GDPD4: variants seen among roughly 807,000 people sequenced by gnomAD.
GDPD4 encodes the protein glycerophosphodiester phosphodiesterase domain containing 4.
Under a neutral mutation model 67.8 loss-of-function variants are expected in GDPD4, and 60 were observed. That is an observed-to-expected ratio of 0.88 (90% CI 0.72 to 1.10). GDPD4 has a LOEUF of 1.10. Among genes scored for constraint, GDPD4 ranks in the 50% least tolerant of loss-of-function variants. The probability of loss-of-function intolerance (pLI) is 0.00; values close to 1 mark genes in which losing one functional copy is unlikely to be tolerated. For synonymous variants in GDPD4, 212 were observed against 210.9 expected, an observed-to-expected ratio of 1.00 and a Z score of -0.04; for missense variants, 623 against 613.9, an observed-to-expected ratio of 1.01 and a Z score of -0.16.
chr11:77,270,084 G>A (rs1185088396), intron 7 of GDPD4, 124 bp from the exon 8 acceptor site: 2 of 560,184 alleles, frequency 3.6e-6, no homozygotes, highest in Non-Finnish European at 6.3e-6. Context: ...CACAATGGCA[G>A]CACTATCTAT....
intron 1 of GDPD4, among the ~76,000 whole-genome samples, chr11:77,293,525 T>G (rs1244817617): frequency 6.6e-6 from 1 of 150,426 alleles, no homozygotes; most frequent in African/African-American, 2.5e-5. Flanking sequence ...AGCCTGGAGA[T>G]GGAGGTTACA....
chr11:77,277,417 T>C (rs1342746633), intron 4 of GDPD4, among the ~76,000 whole-genome samples: 1 of 139,278 alleles, frequency 7.2e-6, no homozygotes, highest in African/African-American at 2.7e-5. Flanking sequence ...TTTTTTTTTT[T>C]TGAGACAGAG....
chr11:77,296,325 ATT>A (rs150817128), intron 1 of GDPD4, among the ~76,000 whole-genome samples: 30 of 141,550 alleles, frequency 2.1e-4, no homozygotes, highest in South Asian at 6.7e-4. Context: ...TTTTTAATTA[ATT>A]TTTTTTTTTT....
In GDPD4 at chr11:77,245,302, G is replaced by T. The variant is rs753961791; in HGVS notation, c.1065C>A (p.Ala355=). The part of the protein sequence containing the change: ...FVRQVVSVIL[A]SKIEQHLIFW... ...TTACCAGATGTTGCTCGATTTTAGAGGCAAGGATCACGCTTACTACTTGGC... is the reference window on the plus strand; with the variant it reads ...TTACCAGATGTTGCTCGATTTTAGATGCAAGGATCACGCTTACTACTTGGC... Residue 355 remains alanine, a synonymous_variant, in exon 12 of 17, where the codon GCC becomes GCA. Coordinates refer to ENST00000315938, the MANE Select transcript of GDPD4 (RefSeq NM_182833.3). The T allele has an allele frequency of 6.2e-7, 1 of 1,614,056 alleles. No individual in the cohort carries two copies. Among genetic ancestry groups the T allele is most frequent in the South Asian group, 1.1e-5 (1 of 91,078 alleles).
chr11:77,245,663 T>C (rs1371039894), intron 11 of GDPD4, among the ~76,000 whole-genome samples, 161 bp from the exon 12 acceptor site: 1 of 152,206 alleles, frequency 6.6e-6, no homozygotes, highest in African/African-American at 2.4e-5. Context: ...AGAAATAAAA[T>C]GTAATCATCA....
chr11:77,292,263 G>C (rs1937804579), intron 1 of GDPD4, among the ~76,000 whole-genome samples: 1 of 151,746 alleles, frequency 6.6e-6, no homozygotes, highest in African/African-American at 2.4e-5. Context: ...AAAAACACTA[G>C]AATTGGAAAA....
At position 77,268,605 on chromosome 11, in the gene GDPD4, TAGGGGTAGAGCCC is replaced by T. The variant is rs549654142; in HGVS notation, c.625-79_625-67del. 506 of 1,268,994 alleles carry T rather than the reference TAGGGGTAGAGCCC, an allele frequency of 4.0e-4. 6 individuals carry two copies. In the South Asian group the frequency reaches 5.8e-3, roughly 15 times the overall value. The allele number at this position is 1,268,994 out of a possible 1,614,324, so 78.6% of individuals were successfully genotyped here. ...TCTCCTCCCAGCATTCCTTTTGTGGTAGGGGTAGAGCCCAGTAGGATTTTGGGGAGCAGAGCTT... is the reference window on the plus strand; with the variant it reads ...TCTCCTCCCAGCATTCCTTTTGTGGTAGTAGGATTTTGGGGAGCAGAGCTT... On this transcript the variant is annotated intron_variant, in intron 9 of 16. Transcript: ENST00000315938.
In GDPD4 at chr11:77,240,663, C is replaced by T; in HGVS notation, c.1241+3031G>A. Among the ~76,000 whole-genome samples, 2 of 151,944 alleles carry T rather than the reference C, an allele frequency of 1.3e-5. 1 individual carries two copies. Among genetic ancestry groups the T allele is most frequent in the East Asian group, 3.8e-4 (2 of 5,196 alleles). On this transcript the variant is annotated intron_variant, in intron 13 of 16. Coordinates refer to ENST00000315938, the MANE Select transcript of GDPD4 (RefSeq NM_182833.3). Reference sequence around the variant, plus strand: ...TACATCAAACCAAAAAGTGTCTGCACAGCAAAGGAAACAATCAACAGAGTG... The same window carrying T: ...TACATCAAACCAAAAAGTGTCTGCATAGCAAAGGAAACAATCAACAGAGTG...
chr11:77,218,042 T>C (rs1319038178), intron 16 of GDPD4, among the ~76,000 whole-genome samples: 1 of 151,982 alleles, frequency 6.6e-6, no homozygotes, highest in Non-Finnish European at 1.5e-5. Flanking sequence ...AAAGCTTTTT[T>C]TTTAACCTGA....
In GDPD4 at chr11:77,268,463, T is replaced by G. The variant is rs564499929; in HGVS notation, c.701A>C (p.His234Pro). The G allele has an allele frequency of 6.2e-7, 1 of 1,607,782 alleles. No individual in the cohort carries two copies. The highest frequency in any genetic ancestry group is 8.5e-7 in the Non-Finnish European group (1 of 1,174,538). The change falls in exon 10 of 17, where the codon CAC (histidine) becomes CCC (proline). Residue 234 changes from histidine (H) to proline (P), a missense_variant. His to Pro is a moderately conservative substitution (Grantham distance 77). Coordinates refer to ENST00000315938, the MANE Select transcript of GDPD4 (RefSeq NM_182833.3). ...HGAHGLETDI[H>P]LSYDHVPFLM... ...CAGTTCCCTGCTTTCTTACCTTAAG[T>G]GTATATCAGTCTCCAATCCATGGGC...
intron 1 of GDPD4, among the ~76,000 whole-genome samples, chr11:77,290,298 C>G (rs1275478711): frequency 6.6e-6 from 1 of 152,192 alleles, no homozygotes; most frequent in East Asian, 1.9e-4. Flanking sequence ...TTTTATCCAA[C>G]AATTACAGAA....
At chr11:77,296,953 C>T (rs1937989144) in intron 1 of GDPD4, among the ~76,000 whole-genome samples, 1 of 150,630 alleles carries the variant, frequency 6.6e-6, no homozygotes, top group African/African-American at 2.4e-5. Flanking sequence ...ATTCGGGAGG[C>T]TGAGGCAGAA....
intron 10 of GDPD4, among the ~76,000 whole-genome samples, chr11:77,259,326 AT>A (rs1379595945): frequency 6.6e-6 from 1 of 152,180 alleles, no homozygotes; most frequent in Non-Finnish European, 1.5e-5. Context: ...AGATAGTATC[AT>A]AAGGTAAGTT....
intron 10 of GDPD4, among the ~76,000 whole-genome samples, chr11:77,259,301 T>C (rs1379649019): frequency 3.3e-5 from 5 of 152,194 alleles, no homozygotes; most frequent in Non-Finnish European, 1.5e-5. Flanking sequence ...TTTCTGGTCC[T>C]AGACTTTCCA....
Position 77,277,947 on chromosome 11 carries a change from G to A in GDPD4, c.147+1359C>T, listed in dbSNP as rs1399437344. 6.6e-5 allele frequency among the ~76,000 whole-genome samples: 10 copies of A among 151,762 alleles called. No homozygotes were observed. The East Asian group carries it at 1.2e-3, about 18-fold the overall frequency. ...TCTGGTATGTTGTGTCTTTGTTCTC[G>A]TTGGTTTCAAAGAACATCTTTATTT... On this transcript the variant is annotated intron_variant, in intron 4 of 16. Coordinates refer to ENST00000315938, the MANE Select transcript of GDPD4 (RefSeq NM_182833.3).
chr11:77,249,384 C>A (rs1259945176), intron 11 of GDPD4, among the ~76,000 whole-genome samples: 1 of 151,896 alleles, frequency 6.6e-6, no homozygotes, highest in East Asian at 1.9e-4. Flanking sequence ...TATCAAATTA[C>A]AGCTCATATG....
At chr11:77,264,677 C>T (rs1959170304) in intron 10 of GDPD4, among the ~76,000 whole-genome samples, 1 of 151,896 alleles carries the variant, frequency 6.6e-6, no homozygotes, top group South Asian at 2.1e-4. Flanking sequence ...GTAGAAGAAG[C>T]CTGATTGGGA....
intron 10 of GDPD4, among the ~76,000 whole-genome samples, chr11:77,263,298 C>T (rs1039159042): frequency 2.0e-5 from 3 of 151,900 alleles, no homozygotes; most frequent in African/African-American, 7.3e-5. Flanking sequence ...TAATGAGGTT[C>T]GTGATAGCAC....
chr11:77,286,896 A>G (rs1960017814), intron 2 of GDPD4: 1 of 152,234 alleles, frequency 6.6e-6, no homozygotes, highest in South Asian at 2.1e-4. Flanking sequence ...TCCGTAACCA[A>G]AAATATCTAA....
Sources: gnomAD v4.1 joint callset for allele counts (sites outside exome capture counted in the v4.1 genomes callset) on GRCh38, gnomAD v4.1.1 for gene constraint, MANE v1.5 for transcripts, NCBI Gene and HGNC (gene_info 2026-07-23, HGNC 2026-07-21) for gene names.